GNAQ: variants seen among roughly 807,000 people sequenced by gnomAD.
GNAQ encodes guanine nucleotide-binding protein G(q) subunit alpha.
A neutral mutation model predicts 43.9 loss-of-function variants in GNAQ; 8 were observed. That is an observed-to-expected ratio of 0.18 (90% confidence interval 0.11 to 0.33). GNAQ has a LOEUF of 0.33. Among genes scored for constraint, GNAQ ranks in the 10% least tolerant of loss-of-function variants. The probability of loss-of-function intolerance (pLI) is 1.00; values close to 1 mark genes in which losing one functional copy is unlikely to be tolerated. For missense variants in GNAQ, 158 were observed against 450.8 expected (o/e 0.35, Z 5.88); for synonymous variants, 155 against 170.7 (o/e 0.91, Z 0.71).
chr9:77,889,248 T>A (rs564642803), intron 2 of GNAQ, among the ~76,000 whole-genome samples: 21 of 147,306 alleles, frequency 1.4e-4, no homozygotes, highest in African/African-American at 4.2e-4. Context: ...TCCCATCTTT[T>A]AAAAAAAAAA....
At position 77,720,948 on chromosome 9, in the gene GNAQ, C is replaced by CG. The variant is rs1825300754; in HGVS notation, c.*374dup. ...ACATCAGGAGGGAGGTATGAATTAG[C>CG]GGGGGAAGAAAAAAGGGAAATCAGC... On this transcript the variant is annotated 3_prime_UTR_variant, in exon 7 of 7. Coordinates refer to ENST00000286548, the MANE Select transcript of GNAQ (RefSeq NM_002072.5). The CG allele has an allele frequency of 4.1e-6, 1 of 242,304 alleles. No individual in the cohort carries two copies. The highest frequency in any genetic ancestry group is 5.4e-5 in the Admixed American group (1 of 18,458). 15.0% of individuals were successfully genotyped at this position (242,304 alleles called of 1,614,324 possible).
At chr9:77,832,026 T>C (rs183381182) in intron 2 of GNAQ, among the ~76,000 whole-genome samples, 1 of 152,006 alleles carries the variant, frequency 6.6e-6, no homozygotes, top group African/African-American at 2.4e-5. Context: ...GCCTCTGCTC[T>C]GGGTAACTCT....
intron 5 of GNAQ, among the ~76,000 whole-genome samples, chr9:77,764,828 C>T (rs1826108936): frequency 6.6e-6 from 1 of 152,172 alleles, no homozygotes; most frequent in African/African-American, 2.4e-5. Context: ...ACCCCTGCAT[C>T]AAATCCTGGC....
intron 6 of GNAQ, among the ~76,000 whole-genome samples, chr9:77,724,817 A>C (rs1458603410): frequency 6.6e-6 from 1 of 152,204 alleles, no homozygotes; most frequent in South Asian, 2.1e-4. Context: ...GAGGGCTGGC[A>C]TCATATTTAA....
chr9:78,026,589 C>A (rs1823983263), intron 1 of GNAQ, among the ~76,000 whole-genome samples: 1 of 152,016 alleles, frequency 6.6e-6, no homozygotes, highest in Non-Finnish European at 1.5e-5. Flanking sequence ...TTACTTAGAC[C>A]AAGGCTTTCA....
At chr9:78,027,445 C>T (rs1171024493) in intron 1 of GNAQ, among the ~76,000 whole-genome samples, 1 of 152,138 alleles carries the variant, frequency 6.6e-6, no homozygotes, top group Non-Finnish European at 1.5e-5. Flanking sequence ...CCTCTACTCT[C>T]ATATGTTTGC....
At chr9:77,893,554 T>G (rs912451441) in intron 2 of GNAQ, among the ~76,000 whole-genome samples, 34 of 152,254 alleles carry the variant, frequency 2.2e-4, no homozygotes, top group African/African-American at 7.5e-4. Flanking sequence ...GTTCTGCCTA[T>G]GGAGTAGCCA....
At chr9:77,805,377 A>G (rs1826811939) in intron 3 of GNAQ, among the ~76,000 whole-genome samples, 1 of 152,022 alleles carries the variant, frequency 6.6e-6, no homozygotes, top group East Asian at 1.9e-4. Flanking sequence ...GCATTTATTA[A>G]CAGGCATTTT....
intron 1 of GNAQ, among the ~76,000 whole-genome samples, chr9:77,965,295 C>A (rs1432292515): frequency 6.6e-6 from 1 of 152,124 alleles, no homozygotes; most frequent in Non-Finnish European, 1.5e-5. Flanking sequence ...AAAAACCATT[C>A]AACTTCCCAT....
At position 77,792,168 on chromosome 9, in the gene GNAQ, T is replaced by C. The variant is rs1046854781; in HGVS notation, c.735+2295A>G. Reference sequence around the variant, plus strand: ...GCACTTTTCTCATGATCCCATACTATCATCAGGCTTGACTAGAGGTCTCAG... The same window carrying C: ...GCACTTTTCTCATGATCCCATACTACCATCAGGCTTGACTAGAGGTCTCAG... On this transcript the variant is annotated intron_variant, in intron 5 of 6. Coordinates refer to ENST00000286548, the MANE Select transcript of GNAQ (RefSeq NM_002072.5). 4.6e-5 allele frequency among the ~76,000 whole-genome samples: 7 copies of C among 152,276 alleles called. No individual in the cohort carries two copies. The East Asian group carries it at 1.4e-3, about 29-fold the overall frequency.
intron 1 of GNAQ, among the ~76,000 whole-genome samples, chr9:77,976,693 G>T (rs1823307466): frequency 6.8e-6 from 1 of 146,532 alleles, no homozygotes; most frequent in African/African-American, 2.4e-5. Context: ...CCCGGCCCAG[G>T]CTTGTTTTTT....
intron 2 of GNAQ, among the ~76,000 whole-genome samples, chr9:77,914,954 CT>C (rs1248190840): frequency 2.0e-5 from 3 of 151,428 alleles, no homozygotes; most frequent in African/African-American, 7.3e-5. Flanking sequence ...TGTTTATTGT[CT>C]TTTTAAAAAT....
chr9:78,005,304 C>G (rs1443131779), intron 1 of GNAQ, among the ~76,000 whole-genome samples: 10 of 152,174 alleles, frequency 6.6e-5, no homozygotes, highest in African/African-American at 2.2e-4. Flanking sequence ...CTTGGCCTCC[C>G]AAAGTGCTGG....
intron 5 of GNAQ, among the ~76,000 whole-genome samples, chr9:77,762,584 C>T (rs1227226927): frequency 2.7e-5 from 4 of 149,666 alleles, no homozygotes; most frequent in African/African-American, 9.8e-5. Context: ...GCCACCACCC[C>T]ATCTGGGAGG....
At chr9:77,852,688 A>C (rs898432906) in intron 2 of GNAQ, among the ~76,000 whole-genome samples, 1 of 152,018 alleles carries the variant, frequency 6.6e-6, no homozygotes, top group Non-Finnish European at 1.5e-5. Flanking sequence ...TTCTCCTCCT[A>C]CTGTTTTATG....
intron 1 of GNAQ, among the ~76,000 whole-genome samples, chr9:77,972,352 C>T (rs958988130): frequency 7.2e-5 from 11 of 152,014 alleles, no homozygotes; most frequent in Admixed American, 2.0e-4. Flanking sequence ...AAAAGAGGGA[C>T]CCAGGATGCA....
rs769119498 is a variant in GNAQ, at chr9:78,000,752, T to C, written c.136+30348A>G. 1.1e-4 allele frequency among the ~76,000 whole-genome samples: 17 copies of C among 152,212 alleles called. No individual in the cohort carries two copies. In the East Asian group the frequency reaches 1.5e-3, roughly 14 times the overall value. On this transcript the variant is annotated intron_variant, in intron 1 of 6. Transcript: ENST00000286548. ...TGCTCAGATTCAGCCATAAACAGGATACTAGCAAGTTCTTACTATTCATCT... is the reference window on the plus strand; with the variant it reads ...TGCTCAGATTCAGCCATAAACAGGACACTAGCAAGTTCTTACTATTCATCT...
At chr9:77,755,755 T>C (rs1825892656) in intron 5 of GNAQ, among the ~76,000 whole-genome samples, 3 of 152,234 alleles carry the variant, frequency 2.0e-5, no homozygotes, top group African/African-American at 7.2e-5. Context: ...ATGTTAGGCA[T>C]AATTATGACC....
chr9:78,025,844 G>A lies in GNAQ; in HGVS notation c.136+5256C>T, dbSNP rs975537035. 1.0e-3 allele frequency among the ~76,000 whole-genome samples: 157 copies of A among 152,132 alleles called. 2 individuals are homozygous for A. The highest frequency in any genetic ancestry group is 0.01 in the Admixed American group (155 of 15,272). The stretch of plus-strand genomic sequence containing the variant: ...AATGCTGGAATCAAAACCTTCCTTA[G>A]AGAATCTTGTTAATTTCTTTTCAAG... On this transcript the variant is annotated intron_variant, in intron 1 of 6. Transcript: ENST00000286548.
Sources: allele counts gnomAD v4.1 joint callset (sites outside exome capture counted in the v4.1 genomes callset), GRCh38; gene constraint gnomAD v4.1.1; transcripts MANE v1.5; gene names NCBI Gene and HGNC (gene_info 2026-07-23, HGNC 2026-07-21).